STK38L: variants seen among roughly 807,000 people sequenced by gnomAD.
STK38L encodes serine/threonine kinase 38 like.
A neutral mutation model predicts 59.7 loss-of-function variants in STK38L; 28 were observed. That is an observed-to-expected ratio of 0.47 (90% CI 0.35 to 0.64). The LOEUF (loss-of-function observed/expected upper bound fraction) is 0.64, where lower values mean the gene tolerates loss of function less well. Ranked by LOEUF, STK38L falls within the 30% of genes least tolerant of loss-of-function variation. The probability of loss-of-function intolerance (pLI) is 0.01; values close to 1 mark genes in which losing one functional copy is unlikely to be tolerated. For missense variants in STK38L, 314 were observed against 555.8 expected, an observed-to-expected ratio of 0.56 and a Z score of 4.37; for synonymous variants, 162 against 176.8, an observed-to-expected ratio of 0.92 and a Z score of 0.66.
intron 2 of STK38L, among the ~76,000 whole-genome samples, chr12:27,301,322 G>C (rs1314299838): frequency 1.3e-5 from 2 of 152,164 alleles, no homozygotes. Context: ...GCAGTGGCAC[G>C]ATCTTGGCTC....
At chr12:27,277,670 T>A (rs1220371277) in intron 1 of STK38L, among the ~76,000 whole-genome samples, 1 of 152,176 alleles carries the variant, frequency 6.6e-6, no homozygotes, top group Non-Finnish European at 1.5e-5. Context: ...CATATAATTT[T>A]AAAAATTTAA....
intron 1 of STK38L, among the ~76,000 whole-genome samples, chr12:27,261,382 A>C (rs1943201199): frequency 6.6e-6 from 1 of 152,164 alleles, no homozygotes; most frequent in East Asian, 1.9e-4. Context: ...AGTGATGCTT[A>C]ATAGTATCAT....
rs1330071958 is a variant in STK38L at position 27,322,698 on chromosome 12, AAAAGG to A, written c.*246_*250del. The A allele has an allele frequency of 2.8e-6, 1 of 358,134 alleles. No homozygotes were observed. Among genetic ancestry groups the A allele is most frequent in the Non-Finnish European group, 4.9e-6 (1 of 204,772 alleles). 22.2% of individuals were successfully genotyped at this position (358,134 alleles called of 1,614,324 possible). A position where few individuals can be genotyped will look rare whatever the true frequency, so the allele number is the denominator to read the frequency against. On this transcript the variant is annotated 3_prime_UTR_variant, in exon 14 of 14. Coordinates refer to ENST00000389032, the MANE Select transcript of STK38L (RefSeq NM_015000.4). ...CTTTATTATATGAAGGTACTGGAAT[AAAAGG>A]AACAGACATCCCTTTCTAACTGCAC...
At chr12:27,262,800 AT>A (rs34286400) in intron 1 of STK38L, among the ~76,000 whole-genome samples, 7,257 of 140,776 alleles carry the variant, frequency 0.052, 504 homozygotes, top group East Asian at 0.39. Flanking sequence ...GACTCTGAGA[AT>A]TTTTTTTTTT....
At chr12:27,279,300 T>A (rs1223726489) in intron 1 of STK38L, among the ~76,000 whole-genome samples, 2 of 152,246 alleles carry the variant, frequency 1.3e-5, no homozygotes, top group African/African-American at 2.4e-5. Flanking sequence ...ATAGTTGGTT[T>A]AGCTGTGATA....
chr12:27,297,952 G>C lies in STK38L; in HGVS notation c.134+98G>C, dbSNP rs1406326133. The C allele has an allele frequency of 8.4e-6, 12 of 1,433,964 alleles. No homozygotes were observed. In the East Asian group the frequency reaches 2.7e-4, roughly 33 times the overall value. The allele number at this position is 1,433,964 out of a possible 1,614,324, so 88.8% of individuals were successfully genotyped here. On this transcript the variant is annotated intron_variant, in intron 2 of 13. Transcript: ENST00000389032. ...TTACCATGAATGATATGAATATTAT[G>C]GATCCCTGCATGCTGTTTTTGAGTT...
At chr12:27,249,467 A>G (rs1388361968) in intron 1 of STK38L, among the ~76,000 whole-genome samples, 1 of 152,094 alleles carries the variant, frequency 6.6e-6, no homozygotes, top group Non-Finnish European at 1.5e-5. Context: ...CCTCCCAAAT[A>G]TCTGGGATTA....
chr12:27,317,295 AAATGTTAAG>A, intron 9 of STK38L, 32 bp from the exon 10 acceptor site: 3 of 1,412,480 alleles, frequency 2.1e-6, no homozygotes, highest in Non-Finnish European at 2.0e-6. Context: ...GATATTTTTT[AAATGTTAAG>A]AATGCTGGTT....
chr12:27,318,122 G>GTA, intron 11 of STK38L, 103 bp downstream of exon 11: 8 of 1,364,310 alleles, frequency 5.9e-6, no homozygotes, highest in Non-Finnish European at 7.1e-6. Flanking sequence ...TACCACTGAT[G>GTA]TATACAGTCA....
intron 1 of STK38L, among the ~76,000 whole-genome samples, chr12:27,285,046 A>G (rs1432004334): frequency 6.6e-6 from 1 of 152,172 alleles, no homozygotes; most frequent in African/African-American, 2.4e-5. Context: ...GACTCAAAAT[A>G]ACCAAACATA....
At chr12:27,263,648 A>G (rs11048954) in intron 1 of STK38L, among the ~76,000 whole-genome samples, 7,284 of 152,266 alleles carry the variant, frequency 0.048, 569 homozygotes, top group African/African-American at 0.16. Flanking sequence ...TGCTATGTAC[A>G]TGTTAAAGAG....
At chr12:27,315,170 A>G (rs1944556439) in intron 8 of STK38L, 53 bp downstream of exon 8, 1 of 1,583,864 alleles carries the variant, frequency 6.3e-7, no homozygotes, top group East Asian at 2.2e-5. Context: ...ACTGTAGAGA[A>G]CAGAAGGTTC....
intron 1 of STK38L, among the ~76,000 whole-genome samples, 169 bp from the exon 2 acceptor site, chr12:27,297,541 T>C (rs1021828792): frequency 6.6e-5 from 10 of 152,248 alleles, no homozygotes; most frequent in African/African-American, 2.4e-4. Flanking sequence ...TTGGAAATAG[T>C]GCTTTTCTTT....
intron 1 of STK38L, among the ~76,000 whole-genome samples, chr12:27,269,908 G>A (rs1943384014): frequency 6.6e-6 from 1 of 152,174 alleles, no homozygotes; most frequent in African/African-American, 2.4e-5. Flanking sequence ...CTCCCAAAGT[G>A]TTGAGATTAC....
At chr12:27,312,199 T>C (rs1050790352) in intron 5 of STK38L, among the ~76,000 whole-genome samples, 2 of 152,156 alleles carry the variant, frequency 1.3e-5, no homozygotes, top group Non-Finnish European at 2.9e-5. Context: ...CTTTTAACTT[T>C]AAAAATCACA....
At chr12:27,304,461 A>G (rs922238790) in intron 3 of STK38L, among the ~76,000 whole-genome samples, 8 of 152,170 alleles carry the variant, frequency 5.3e-5, no homozygotes, top group African/African-American at 1.7e-4. Context: ...AGTTGACTCA[A>G]TCTAGAAAAC....
At chr12:27,260,510 CCT>C (rs1451380114) in intron 1 of STK38L, among the ~76,000 whole-genome samples, 2 of 152,102 alleles carry the variant, frequency 1.3e-5, no homozygotes, top group African/African-American at 4.8e-5. Context: ...CGTTCTTGCC[CCT>C]GTCACCTCTC....
chr12:27,320,277 A>AT (rs1281211113), intron 12 of STK38L, among the ~76,000 whole-genome samples: 1 of 151,372 alleles, frequency 6.6e-6, no homozygotes, highest in East Asian at 1.9e-4. Flanking sequence ...ATTATTACTT[A>AT]TTTTTTTGAG....
intron 1 of STK38L, among the ~76,000 whole-genome samples, chr12:27,250,970 G>A (rs1331987763): frequency 7.0e-6 from 1 of 142,892 alleles, no homozygotes; most frequent in African/African-American, 2.6e-5. Context: ...CTGTAGCCCA[G>A]CCTGGGTGAC....
Sources: allele counts gnomAD v4.1 joint callset (sites outside exome capture counted in the v4.1 genomes callset), GRCh38; gene constraint gnomAD v4.1.1; transcripts MANE v1.5; gene names NCBI Gene and HGNC (gene_info 2026-07-23, HGNC 2026-07-21).